CCDC169: variants seen among roughly 807,000 people sequenced by gnomAD.
CCDC169 encodes coiled-coil domain-containing protein 169.
In CCDC169, 30 loss-of-function variants were observed where a neutral mutation model predicts 36.0. The observed-to-expected ratio is 0.83, with a 90% CI of 0.62 to 1.13. The LOEUF (loss-of-function observed/expected upper bound fraction) is 1.13, where lower values mean the gene tolerates loss of function less well. Among genes scored for constraint, CCDC169 ranks in the 50% most tolerant of loss-of-function variants. The probability of loss-of-function intolerance (pLI) is 0.00; values close to 1 mark genes in which losing one functional copy is unlikely to be tolerated. For missense variants in CCDC169, 245 were observed against 245.9 expected (o/e 1.00, Z 0.03); for synonymous variants, 85 against 81.5 (o/e 1.04, Z -0.23).
At chr13:36,247,015 T>C (rs1385437421) in intron 7 of CCDC169, among the ~76,000 whole-genome samples, 2 of 152,338 alleles carry the variant, frequency 1.3e-5, no homozygotes, top group South Asian at 2.1e-4. Context: ...AGTGAGTTTA[T>C]GTTGAAGCTA....
downstream of CCDC169, among the ~76,000 whole-genome samples, chr13:36,230,181 T>G (rs770046047): frequency 1.4e-4 from 21 of 152,228 alleles, no homozygotes; most frequent in Non-Finnish European, 2.6e-4. Context: ...AATTTAGGTT[T>G]AGTGCCAGAT....
intron 4 of CCDC169, among the ~76,000 whole-genome samples, chr13:36,259,933 C>G (rs1014234703): frequency 6.6e-6 from 1 of 152,222 alleles, no homozygotes; most frequent in African/African-American, 2.4e-5. Flanking sequence ...GGCTGACAGG[C>G]CTGCCTGAGG....
downstream of CCDC169, among the ~76,000 whole-genome samples, chr13:36,228,704 C>T (rs897482279): frequency 1.3e-5 from 2 of 152,114 alleles, no homozygotes; most frequent in Non-Finnish European, 2.9e-5. Context: ...GCACGTGTCA[C>T]CACAACTGGT....
At chr13:36,239,711 A>T (rs539613147) in intron 7 of CCDC169, among the ~76,000 whole-genome samples, 118 of 152,188 alleles carry the variant, frequency 7.8e-4, no homozygotes, top group Non-Finnish European at 1.4e-3. Flanking sequence ...GAGAGTGGTT[A>T]CTTATATAAA....
In CCDC169 at chr13:36,254,153, T is replaced by C. The variant is rs1469270045; in HGVS notation, c.316-10A>G. 6.7e-7 allele frequency: 1 copy of C among 1,486,720 alleles called. No homozygotes were observed. Among genetic ancestry groups the C allele is most frequent in the African/African-American group, 1.4e-5 (1 of 70,106 alleles). 92.1% of individuals were successfully genotyped at this position (1,486,720 alleles called of 1,614,324 possible). ...ATGTGTTTAAGGATTCCTAAAAATA[T>C]AAATAGTAAAATTTTATATGTACTC... is the stretch of plus-strand genomic sequence containing the variant. On this transcript the variant is annotated splice_polypyrimidine_tract_variant and intron_variant, in intron 4 of 7. Transcript: ENST00000239859.
intron 6 of CCDC169, 59 bp downstream of exon 6, chr13:36,253,744 G>A: frequency 1.3e-6 from 2 of 1,514,126 alleles, no homozygotes; most frequent in South Asian, 2.6e-5. Flanking sequence ...CTAGAAAAGT[G>A]AAAAACATAA....
At position 36,283,787 on chromosome 13, in the gene CCDC169, C is replaced by T. The variant is rs576651881; in HGVS notation, c.164-85G>A. The T allele has an allele frequency of 7.9e-5, 81 of 1,023,588 alleles. No homozygotes were observed. The Admixed American group carries it at 1.0e-3, about 13-fold the overall frequency. The allele number at this position is 1,023,588 out of a possible 1,614,324, so 63.4% of individuals were successfully genotyped here. On this transcript the variant is annotated intron_variant, in intron 2 of 7. Coordinates refer to ENST00000239859, the MANE Select transcript of CCDC169 (RefSeq NM_001144981.3). Reference sequence around the variant, plus strand: ...AAATAACATTATGAGCTTGATCTTACTCTATTACTATATTTGACTTTATTG... The same window carrying T: ...AAATAACATTATGAGCTTGATCTTATTCTATTACTATATTTGACTTTATTG...
At chr13:36,263,266 T>G (rs1405088344) in intron 4 of CCDC169, among the ~76,000 whole-genome samples, 1 of 152,240 alleles carries the variant, frequency 6.6e-6, no homozygotes, top group Non-Finnish European at 1.5e-5. Context: ...AACTGATAAC[T>G]GATCATTTTC....
chr13:36,237,170 T>A (rs1351151858), intron 7 of CCDC169, among the ~76,000 whole-genome samples: 2 of 151,998 alleles, frequency 1.3e-5, no homozygotes, highest in African/African-American at 2.4e-5. Context: ...TGTATAGAAA[T>A]GGCCAACAAG....
At chr13:36,224,297 A>G (rs1869750654), downstream of CCDC169, 1 of 152,060 alleles carries the variant, frequency 6.6e-6, no homozygotes, top group African/African-American at 2.4e-5. Flanking sequence ...ATCAGACAAG[A>G]GAAAGAAAAA....
intron 2 of CCDC169, among the ~76,000 whole-genome samples, chr13:36,284,693 G>A (rs376571378): frequency 2.0e-5 from 3 of 152,138 alleles, no homozygotes; most frequent in Non-Finnish European, 2.9e-5. Flanking sequence ...TAACTTTTTC[G>A]AGTCTTTAAA....
At chr13:36,287,488 G>C (rs551938552) in intron 2 of CCDC169, among the ~76,000 whole-genome samples, 48 of 152,272 alleles carry the variant, frequency 3.2e-4, no homozygotes, top group Middle Eastern at 3.4e-3. Context: ...CTCATGGCTG[G>C]AGTTCCAAGG....
chr13:36,244,417 C>G (rs887404822), intron 7 of CCDC169: 1 of 152,178 alleles, frequency 6.6e-6, no homozygotes, highest in Non-Finnish European at 1.5e-5. Context: ...AAGTATCTAA[C>G]GAGCTTCTCT....
chr13:36,231,758 TA>T (rs1258990002), intron 7 of CCDC169, among the ~76,000 whole-genome samples: 1 of 152,232 alleles, frequency 6.6e-6, no homozygotes, highest in Non-Finnish European at 1.5e-5. Flanking sequence ...CAGAGTCATT[TA>T]AAGTCTTTCT....
At chr13:36,254,779 AAG>A (rs1280588224) in intron 4 of CCDC169, among the ~76,000 whole-genome samples, 5 of 152,226 alleles carry the variant, frequency 3.3e-5, no homozygotes, top group Non-Finnish European at 2.9e-5. Flanking sequence ...CTAAACTAAC[AAG>A]AGATCAATCA....
At chr13:36,247,930 G>A (rs555472722) in intron 7 of CCDC169, among the ~76,000 whole-genome samples, 10 of 152,124 alleles carry the variant, frequency 6.6e-5, no homozygotes, top group African/African-American at 2.2e-4. Flanking sequence ...AGAGTCAATC[G>A]GTGCAGCAAA....
chr13:36,247,704 G>A (rs1358836395), intron 7 of CCDC169, among the ~76,000 whole-genome samples: 2 of 152,172 alleles, frequency 1.3e-5, no homozygotes, highest in Non-Finnish European at 2.9e-5. Flanking sequence ...TCTTACAGAT[G>A]AGCAAAGAAA....
chr13:36,297,792 A>C lies in CCDC169; in HGVS notation c.-73T>G. The C allele has an allele frequency of 1.4e-6, 2 of 1,399,342 alleles. No individual in the cohort carries two copies. Among genetic ancestry groups the C allele is most frequent in the Non-Finnish European group, 2.0e-6 (2 of 1,016,422 alleles). The allele number at this position is 1,399,342 out of a possible 1,614,324, so 86.7% of individuals were successfully genotyped here. On this transcript the variant is annotated 5_prime_UTR_variant, in exon 1 of 8. Coordinates refer to ENST00000239859, the MANE Select transcript of CCDC169 (RefSeq NM_001144981.3). ...GCACAAGACATTAAGGGCCACCCAGAAGCCAGTACGGCACGAGGCGGTGAA... is the reference window on the plus strand; with the variant it reads ...GCACAAGACATTAAGGGCCACCCAGCAGCCAGTACGGCACGAGGCGGTGAA...
chr13:36,251,161 C>G (rs1318761379), intron 6 of CCDC169, among the ~76,000 whole-genome samples: 1 of 152,198 alleles, frequency 6.6e-6, no homozygotes. Flanking sequence ...AACAGTGAAT[C>G]AAGAGTGAGA....
Sources: gnomAD v4.1 joint callset for allele counts (sites outside exome capture counted in the v4.1 genomes callset) on GRCh38, gnomAD v4.1.1 for gene constraint, MANE v1.5 for transcripts, NCBI Gene and HGNC (gene_info 2026-07-23, HGNC 2026-07-21) for gene names.